Variants in NKAIN2 observed in about 807,000 individuals in gnomAD.
NKAIN2 encodes sodium/potassium transporting ATPase interacting 2, also known as sodium/potassium-transporting ATPase subunit beta-1-interacting protein 2.
Under a neutral mutation model 32.6 loss-of-function variants are expected in NKAIN2, and 14 were observed. The observed-to-expected ratio is 0.43, with a 90% CI of 0.28 to 0.67. The LOEUF (loss-of-function observed/expected upper bound fraction) is 0.67. Ranked by LOEUF, NKAIN2 falls within the 30% of genes least tolerant of loss-of-function variation. NKAIN2 has a pLI of 0.17. For synonymous variants in NKAIN2, 80 were observed against 87.2 expected, an observed-to-expected ratio of 0.92 and a Z score of 0.46; for missense variants, 198 against 258.3, an observed-to-expected ratio of 0.77 and a Z score of 1.60.
intron 3 of NKAIN2, among the ~76,000 whole-genome samples, chr6:124,623,330 A>G (rs1435302191): frequency 6.6e-6 from 1 of 152,164 alleles, no homozygotes; most frequent in Admixed American, 6.5e-5. Flanking sequence ...TGGACATTTC[A>G]TTTGTAAAGA....
intron 1 of NKAIN2, among the ~76,000 whole-genome samples, chr6:124,260,880 T>C (rs1295942696): frequency 6.6e-6 from 1 of 152,218 alleles, no homozygotes; most frequent in Non-Finnish European, 1.5e-5. Context: ...CTGAGAATTT[T>C]GAGCAGTGAA....
At chr6:124,212,113 A>G (rs78681091) in intron 1 of NKAIN2, among the ~76,000 whole-genome samples, 13,458 of 152,194 alleles carry the variant, frequency 0.088, 639 homozygotes, top group Non-Finnish European at 0.11. Context: ...TAAGAAGTAA[A>G]TGTAAAATCA....
intron 1 of NKAIN2, among the ~76,000 whole-genome samples, chr6:123,833,524 A>T (rs949161944): frequency 1.4e-4 from 21 of 152,132 alleles, no homozygotes; most frequent in African/African-American, 5.1e-4. Flanking sequence ...GGAAAACCTG[A>T]CATCTTGACA....
intron 3 of NKAIN2, among the ~76,000 whole-genome samples, chr6:124,550,341 A>G (rs1318231202): frequency 6.6e-6 from 1 of 152,014 alleles, no homozygotes; most frequent in Non-Finnish European, 1.5e-5. Context: ...ACCTTTTCAT[A>G]TGCCTTCTTT....
intron 4 of NKAIN2, among the ~76,000 whole-genome samples, chr6:124,715,650 T>C (rs1162098098): frequency 6.6e-6 from 1 of 152,190 alleles, no homozygotes; most frequent in East Asian, 1.9e-4. Context: ...ACGATGTACA[T>C]TGCTAGCAGC....
intron 3 of NKAIN2, among the ~76,000 whole-genome samples, chr6:124,453,142 C>G (rs1776174629): frequency 6.6e-6 from 1 of 151,932 alleles, no homozygotes. Flanking sequence ...TGTGGTCTGA[C>G]TTCACTTTAA....
chr6:124,409,552 T>A (rs1774048840), intron 3 of NKAIN2, among the ~76,000 whole-genome samples: 1 of 152,190 alleles, frequency 6.6e-6, no homozygotes, highest in African/African-American at 2.4e-5. Flanking sequence ...GCCCACTTGA[T>A]CATGGTGGAT....
chr6:124,544,107 T>A (rs1363161068), intron 3 of NKAIN2, among the ~76,000 whole-genome samples: 1 of 152,132 alleles, frequency 6.6e-6, no homozygotes, highest in Non-Finnish European at 1.5e-5. Context: ...TGTAGGCCAT[T>A]AGGTTTCTGA....
At chr6:124,076,016 A>G (rs952337765) in intron 1 of NKAIN2, among the ~76,000 whole-genome samples, 1 of 152,254 alleles carries the variant, frequency 6.6e-6, no homozygotes, top group Non-Finnish European at 1.5e-5. Flanking sequence ...TGTTTATTGT[A>G]TATCACACAG....
intron 3 of NKAIN2, among the ~76,000 whole-genome samples, chr6:124,548,161 C>T (rs960035483): frequency 2.0e-5 from 3 of 152,150 alleles, no homozygotes; most frequent in East Asian, 3.9e-4. Flanking sequence ...TGATCTAGTC[C>T]AGTCTGTAGT....
intron 3 of NKAIN2, among the ~76,000 whole-genome samples, chr6:124,459,529 T>C (rs966741974): frequency 1.3e-5 from 2 of 151,952 alleles, no homozygotes; most frequent in South Asian, 2.1e-4. Context: ...AAAAACCATC[T>C]TGACACCTAA....
At chr6:124,752,704 G>A (rs908862237) in intron 4 of NKAIN2, among the ~76,000 whole-genome samples, 2 of 151,970 alleles carry the variant, frequency 1.3e-5, no homozygotes, top group Non-Finnish European at 2.9e-5. Context: ...GAGCTCATAG[G>A]CACACTTCTA....
At chr6:124,709,919 T>G (rs1775344215) in intron 4 of NKAIN2, among the ~76,000 whole-genome samples, 1 of 152,168 alleles carries the variant, frequency 6.6e-6, no homozygotes, top group African/African-American at 2.4e-5. Flanking sequence ...TTAATTGTAA[T>G]GTTAGGGTGT....
At chr6:124,080,352 T>C (rs951654477) in intron 1 of NKAIN2, among the ~76,000 whole-genome samples, 21 of 152,164 alleles carry the variant, frequency 1.4e-4, no homozygotes, top group African/African-American at 5.1e-4. Flanking sequence ...CAGTTTCTTC[T>C]GGATCTATCA....
At chr6:124,321,399 C>T (rs948363167) in intron 2 of NKAIN2, among the ~76,000 whole-genome samples, 1 of 152,052 alleles carries the variant, frequency 6.6e-6, no homozygotes, top group African/African-American at 2.4e-5. Flanking sequence ...AGCAAACCAC[C>T]ATGTCACGTG....
intron 5 of NKAIN2, among the ~76,000 whole-genome samples, chr6:124,815,247 T>C (rs866986897): frequency 1.9e-4 from 26 of 137,984 alleles, no homozygotes; most frequent in Admixed American, 8.4e-4. Context: ...TATATGTATA[T>C]ATGTATATAT....
chr6:124,110,708 G>A (rs887503387), intron 1 of NKAIN2, among the ~76,000 whole-genome samples: 5 of 152,002 alleles, frequency 3.3e-5, no homozygotes, highest in Non-Finnish European at 7.4e-5. Context: ...CATCCGTGTT[G>A]CTGCAAAAGA....
At chr6:124,600,000 A>G (rs1782246199) in intron 3 of NKAIN2, among the ~76,000 whole-genome samples, 1 of 152,084 alleles carries the variant, frequency 6.6e-6, no homozygotes. Context: ...AGGTTTCCAG[A>G]GCTCCCAAAT....
intron 4 of NKAIN2, among the ~76,000 whole-genome samples, chr6:124,776,687 A>C (rs1053777990): frequency 6.6e-6 from 1 of 152,152 alleles, no homozygotes; most frequent in Non-Finnish European, 1.5e-5. Context: ...CTCTCTTATT[A>C]TACACCGTAA....
Sources: gnomAD v4.1 joint callset for allele counts (sites outside exome capture counted in the v4.1 genomes callset) on GRCh38, gnomAD v4.1.1 for gene constraint, MANE v1.5 for transcripts, NCBI Gene and HGNC (gene_info 2026-07-23, HGNC 2026-07-21) for gene names.